Variants in SCHIP1 observed in about 807,000 individuals in gnomAD.
The protein encoded by SCHIP1 is schwannomin-interacting protein 1.
A neutral mutation model predicts 29.7 loss-of-function variants in SCHIP1; 8 were observed. The observed-to-expected ratio is 0.27, with a 90% CI of 0.16 to 0.49. The LOEUF (loss-of-function observed/expected upper bound fraction) is 0.49. SCHIP1 is among the 20% of genes least tolerant of loss of function. The pLI, the probability that SCHIP1 is intolerant of heterozygous loss-of-function variation, is 0.99. For synonymous variants in SCHIP1, 76 were observed against 94.9 expected (o/e 0.80, Z 1.16); for missense variants, 193 against 294.6 (o/e 0.66, Z 2.52).
chr3:159,501,514 G>T, the SCHIP1 span, among the ~76,000 whole-genome samples: 1 of 152,154 alleles, frequency 6.6e-6, no homozygotes, highest in South Asian at 2.1e-4. Flanking sequence ...TTAAAAATAT[G>T]GCACAAAACT....
At chr3:159,761,492 C>A in the SCHIP1 span, among the ~76,000 whole-genome samples, 1 of 152,210 alleles carries the variant, frequency 6.6e-6, no homozygotes, top group Non-Finnish European at 1.5e-5. Context: ...ATCTTTCAAT[C>A]ACTTTGCAAA....
At chr3:159,588,651 A>G in the SCHIP1 span, among the ~76,000 whole-genome samples, 1 of 152,238 alleles carries the variant, frequency 6.6e-6, no homozygotes, top group Non-Finnish European at 1.5e-5. Flanking sequence ...ATAAGGTGTA[A>G]GGAAGAGATC....
At chr3:159,677,599 T>G in the SCHIP1 span, among the ~76,000 whole-genome samples, 1 of 152,228 alleles carries the variant, frequency 6.6e-6, no homozygotes, top group Admixed American at 6.5e-5. Flanking sequence ...TTTAGTAGCT[T>G]AATTGAAAAC....
the SCHIP1 span, among the ~76,000 whole-genome samples, chr3:159,432,030 C>T: frequency 3.2e-3 from 489 of 152,120 alleles, 2 homozygotes; most frequent in Non-Finnish European, 4.9e-3. Context: ...TTATCTCAAA[C>T]AGTTGCTGTG....
At chr3:159,741,438 T>C in the SCHIP1 span, among the ~76,000 whole-genome samples, 1 of 152,244 alleles carries the variant, frequency 6.6e-6, no homozygotes, top group Non-Finnish European at 1.5e-5. Context: ...CTAGCTTTTA[T>C]GGAATGTCTT....
the SCHIP1 span, among the ~76,000 whole-genome samples, chr3:159,430,050 C>A: frequency 6.6e-6 from 1 of 152,032 alleles, no homozygotes; most frequent in Non-Finnish European, 1.5e-5. Context: ...CCACTACAAT[C>A]CAAACAGAAA....
At chr3:159,381,568 G>A in the SCHIP1 span, among the ~76,000 whole-genome samples, 2 of 151,664 alleles carry the variant, frequency 1.3e-5, no homozygotes, top group Admixed American at 6.6e-5. Flanking sequence ...TTACACCCTG[G>A]TCTCAGCCAT....
At chr3:159,545,747 C>T in the SCHIP1 span, among the ~76,000 whole-genome samples, 18 of 148,102 alleles carry the variant, frequency 1.2e-4, no homozygotes, top group Non-Finnish European at 2.2e-4. Flanking sequence ...TGTATATATA[C>T]ACACACACAT....
chr3:159,838,461 A>G (rs561649267), upstream of SCHIP1, among the ~76,000 whole-genome samples: 33 of 152,344 alleles, frequency 2.2e-4, no homozygotes, highest in African/African-American at 7.9e-4. Flanking sequence ...TGAGACGGCT[A>G]CATAAATAGA....
At chr3:159,606,726 A>G in the SCHIP1 span, among the ~76,000 whole-genome samples, 1 of 152,150 alleles carries the variant, frequency 6.6e-6, no homozygotes, top group African/African-American at 2.4e-5. Flanking sequence ...AAACAATATA[A>G]TCATGCGATA....
intron 1 of SCHIP1, among the ~76,000 whole-genome samples, chr3:159,855,847 A>G (rs1713286412): frequency 6.6e-6 from 1 of 152,140 alleles, no homozygotes; most frequent in Non-Finnish European, 1.5e-5. Flanking sequence ...AACAGCCTTC[A>G]GGGGGAAAGG....
At chr3:159,622,849 C>T in the SCHIP1 span, among the ~76,000 whole-genome samples, 36 of 152,166 alleles carry the variant, frequency 2.4e-4, 1 homozygote, top group African/African-American at 8.0e-4. Context: ...ACCCGGGAGG[C>T]GGAGCTTGCA....
At chr3:159,775,724 G>A in the SCHIP1 span, among the ~76,000 whole-genome samples, 1 of 152,200 alleles carries the variant, frequency 6.6e-6, no homozygotes, top group African/African-American at 2.4e-5. Context: ...GTGGGTTGTA[G>A]GCGTGCCTGG....
chr3:159,296,151 T>A, the SCHIP1 span, among the ~76,000 whole-genome samples: 1 of 151,938 alleles, frequency 6.6e-6, no homozygotes, highest in Non-Finnish European at 1.5e-5. Context: ...CTTTTTTTTT[T>A]TTTGGAAGTA....
the SCHIP1 span, among the ~76,000 whole-genome samples, chr3:159,436,105 T>G: frequency 6.6e-6 from 1 of 152,128 alleles, no homozygotes; most frequent in Non-Finnish European, 1.5e-5. Context: ...ACAGGTGTGG[T>G]CACCCAAAGT....
chr3:159,892,412 C>G lies in SCHIP1; in HGVS notation c.683+222C>G, dbSNP rs1717631755. On this transcript the variant is annotated intron_variant, in intron 6 of 6. Transcript: ENST00000445224. ...CCATCCCCCCCTTGTGATGAATTGTCAGTGCATTACTTCTCACATCTCCGC... is the reference window on the plus strand; with the variant it reads ...CCATCCCCCCCTTGTGATGAATTGTGAGTGCATTACTTCTCACATCTCCGC... The G allele has an allele frequency of 8.2e-6, 5 of 607,006 alleles. No individual in the cohort carries two copies. The South Asian group carries it at 1.0e-4, about 12-fold the overall frequency. The allele number at this position is 607,006 out of a possible 1,614,324, so 37.6% of individuals were successfully genotyped here.
intron 3 of SCHIP1, 119 bp from the exon 5 acceptor site, chr3:159,887,589 T>C (rs1560097376): frequency 1.9e-6 from 2 of 1,079,092 alleles, no homozygotes; most frequent in Non-Finnish European, 2.7e-6. Flanking sequence ...GCAAGTCACA[T>C]TGAGGGAGGG....
the SCHIP1 span, among the ~76,000 whole-genome samples, chr3:159,436,977 C>T: frequency 6.6e-6 from 1 of 151,990 alleles, no homozygotes. Context: ...TAATTCTTAG[C>T]CTTGAATTAT....
intron 1 of SCHIP1, among the ~76,000 whole-genome samples, chr3:159,852,454 C>G (rs1712770468): frequency 6.6e-6 from 1 of 152,178 alleles, no homozygotes; most frequent in African/African-American, 2.4e-5. Context: ...TGTATGTGCA[C>G]TTCTGCTTGT....
Sources: gnomAD v4.1 joint callset for allele counts (sites outside exome capture counted in the v4.1 genomes callset) on GRCh38, gnomAD v4.1.1 for gene constraint, MANE v1.5 for transcripts, NCBI Gene and HGNC (gene_info 2026-07-23, HGNC 2026-07-21) for gene names.